Variants in MAF observed in about 807,000 individuals in gnomAD.
MAF encodes the protein MAF bZIP transcription factor.
Under a neutral mutation model 22.0 loss-of-function variants are expected in MAF, and 10 were observed. The observed-to-expected ratio is 0.45, with a 90% confidence interval of 0.28 to 0.77. MAF has a LOEUF of 0.77. Ranked by LOEUF, MAF falls within the 30% of genes least tolerant of loss-of-function variation. The pLI, the probability that MAF is intolerant of heterozygous loss-of-function variation, is 0.12. For missense variants in MAF, 544 were observed against 548.4 expected (o/e 0.99, Z 0.08); for synonymous variants, 337 against 255.8 (o/e 1.32, Z -3.03).
the MAF span, among the ~76,000 whole-genome samples, chr16:79,231,545 C>A: frequency 1.1e-4 from 16 of 152,062 alleles, no homozygotes; most frequent in Admixed American, 1.1e-3. Flanking sequence ...TCTGTTATCA[C>A]CTGTCTAGTT....
the MAF span, among the ~76,000 whole-genome samples, chr16:79,441,123 C>T: frequency 6.6e-6 from 1 of 152,160 alleles, no homozygotes; most frequent in African/African-American, 2.4e-5. Flanking sequence ...TAGTACATGC[C>T]AGCTGTTTTT....
At chr16:79,347,613 T>G in the MAF span, among the ~76,000 whole-genome samples, 1 of 152,058 alleles carries the variant, frequency 6.6e-6, no homozygotes, top group East Asian at 1.9e-4. Context: ...AGGGGAGGTG[T>G]CAGAGAAAGA....
chr16:79,418,303 G>A, the MAF span, among the ~76,000 whole-genome samples: 1 of 152,062 alleles, frequency 6.6e-6, no homozygotes, highest in African/African-American at 2.4e-5. Flanking sequence ...CAGTTTTCGG[G>A]CTGGGGCCTC....
the MAF span, among the ~76,000 whole-genome samples, chr16:79,343,972 G>A: frequency 6.6e-6 from 1 of 152,174 alleles, no homozygotes. Context: ...ACTTTGAAAT[G>A]TTCCTATCTG....
chr16:79,343,583 T>G, the MAF span, among the ~76,000 whole-genome samples: 8 of 152,234 alleles, frequency 5.3e-5, no homozygotes, highest in Non-Finnish European at 1.5e-5. Context: ...GCCAGTGATA[T>G]CGATACTTTC....
At chr16:79,476,552 C>T in the MAF span, among the ~76,000 whole-genome samples, 3 of 152,312 alleles carry the variant, frequency 2.0e-5, no homozygotes, top group South Asian at 4.1e-4. Context: ...TCCTTTCTTG[C>T]ATTGTGGTCT....
the MAF span, among the ~76,000 whole-genome samples, chr16:79,379,695 A>C: frequency 1.3e-5 from 2 of 152,306 alleles, no homozygotes; most frequent in South Asian, 4.1e-4. Flanking sequence ...CTGAGTCTTG[A>C]TCTTTCTGCT....
the MAF span, among the ~76,000 whole-genome samples, chr16:79,486,864 T>C: frequency 9.2e-5 from 14 of 152,222 alleles, no homozygotes; most frequent in African/African-American, 3.4e-4. Flanking sequence ...ATCATACTCG[T>C]AGCTACTCCA....
the MAF span, among the ~76,000 whole-genome samples, chr16:79,376,450 T>C: frequency 6.6e-6 from 1 of 152,156 alleles, no homozygotes; most frequent in Non-Finnish European, 1.5e-5. Context: ...TAAGCCCCCA[T>C]AGAAACACTC....
At chr16:79,335,058 G>A in the MAF span, among the ~76,000 whole-genome samples, 2 of 151,578 alleles carry the variant, frequency 1.3e-5, no homozygotes, top group Non-Finnish European at 2.9e-5. Context: ...GGTGGCGTGT[G>A]CCTGTAGTCC....
chr16:79,448,097 G>C, the MAF span, among the ~76,000 whole-genome samples: 2 of 152,128 alleles, frequency 1.3e-5, no homozygotes, highest in Admixed American at 1.3e-4. Context: ...AGTTGATAAA[G>C]CAGCAGCAGC....
the MAF span, among the ~76,000 whole-genome samples, chr16:79,450,821 C>T: frequency 1.8e-3 from 279 of 151,538 alleles, 2 homozygotes; most frequent in African/African-American, 6.5e-3. Context: ...AATGCAGCCA[C>T]ATTTAACATT....
the MAF span, among the ~76,000 whole-genome samples, chr16:79,463,775 C>T: frequency 1.3e-5 from 2 of 152,058 alleles, no homozygotes; most frequent in African/African-American, 4.8e-5. Context: ...TTTAAAAAAA[C>T]ATGCATCGAC....
chr16:79,342,707 A>G, the MAF span, among the ~76,000 whole-genome samples: 1 of 152,188 alleles, frequency 6.6e-6, no homozygotes. Flanking sequence ...AAATAGATAC[A>G]ATACAAAACA....
the MAF span, among the ~76,000 whole-genome samples, chr16:79,333,311 CA>C: frequency 6.6e-6 from 1 of 152,122 alleles, no homozygotes; most frequent in Non-Finnish European, 1.5e-5. Context: ...ACTCTGGGAT[CA>C]GGGGTGGGTT....
At chr16:79,482,619 G>A in the MAF span, among the ~76,000 whole-genome samples, 1 of 152,236 alleles carries the variant, frequency 6.6e-6, no homozygotes, top group African/African-American at 2.4e-5. Flanking sequence ...CAAACTTTCA[G>A]TGATCATTTC....
chr16:79,419,401 A>T, the MAF span, among the ~76,000 whole-genome samples: 1 of 152,230 alleles, frequency 6.6e-6, no homozygotes, highest in African/African-American at 2.4e-5. Context: ...ACACAAGAGG[A>T]AGTGGAAATT....
the MAF span, among the ~76,000 whole-genome samples, chr16:79,300,325 G>T: frequency 6.6e-6 from 1 of 152,170 alleles, no homozygotes; most frequent in Non-Finnish European, 1.5e-5. Flanking sequence ...GGGAGGCCGA[G>T]CCAGGTGGAT....
At chr16:79,436,313 C>T in the MAF span, among the ~76,000 whole-genome samples, 3 of 152,204 alleles carry the variant, frequency 2.0e-5, no homozygotes, top group Admixed American at 6.5e-5. Context: ...GAACTCCTGA[C>T]CTCAGGTGAT....
Sources: allele counts gnomAD v4.1 joint callset (sites outside exome capture counted in the v4.1 genomes callset), GRCh38; gene constraint gnomAD v4.1.1; transcripts MANE v1.5; gene names NCBI Gene and HGNC (gene_info 2026-07-23, HGNC 2026-07-21).